Variants in POPDC1 observed in about 807,000 individuals in gnomAD.
POPDC1 encodes popeye domain-containing protein 1.
chr6:105,104,195 C>T, the POPDC1 span, among the ~76,000 whole-genome samples: 2 of 151,994 alleles, frequency 1.3e-5, no homozygotes, highest in Admixed American at 1.3e-4. Flanking sequence ...CCACCAAATT[C>T]CCATTGTTTC....
the POPDC1 span, among the ~76,000 whole-genome samples, chr6:105,122,710 A>C: frequency 7.2e-4 from 110 of 152,368 alleles, no homozygotes; most frequent in Non-Finnish European, 1.5e-3. Context: ...ACAGCAAAGA[A>C]GGAGAGAAAG....
the POPDC1 span, chr6:105,125,300 T>C: frequency 2.8e-6 from 4 of 1,414,136 alleles, no homozygotes; most frequent in South Asian, 2.5e-5. Context: ...TCTCCATTCA[T>C]TGGCAACATT....
chr6:105,134,633 T>C, the POPDC1 span, among the ~76,000 whole-genome samples: 5 of 152,156 alleles, frequency 3.3e-5, no homozygotes. Flanking sequence ...AGGTTTTAGG[T>C]AGTAGAATAA....
chr6:105,098,644 A>C, the POPDC1 span: 2 of 152,208 alleles, frequency 1.3e-5, no homozygotes, highest in Non-Finnish European at 2.9e-5. Context: ...GGGCTGCCCA[A>C]CTTAACCCCA....
At chr6:105,126,254 A>C in the POPDC1 span, among the ~76,000 whole-genome samples, 2 of 151,500 alleles carry the variant, frequency 1.3e-5, no homozygotes, top group Non-Finnish European at 2.9e-5. Flanking sequence ...AAAATAAAAA[A>C]AAGAAAGAAA....
the POPDC1 span, among the ~76,000 whole-genome samples, chr6:105,102,097 G>T: frequency 6.6e-6 from 1 of 152,138 alleles, no homozygotes; most frequent in East Asian, 1.9e-4. Flanking sequence ...GTTTCCACCT[G>T]CTCTGCCCAC....
chr6:105,126,413 C>T, the POPDC1 span, among the ~76,000 whole-genome samples: 1 of 148,688 alleles, frequency 6.7e-6, no homozygotes, highest in South Asian at 2.1e-4. Flanking sequence ...GCCTGGGCAA[C>T]AGAGTAACAC....
the POPDC1 span, among the ~76,000 whole-genome samples, chr6:105,131,198 A>G: frequency 6.6e-6 from 1 of 152,338 alleles, no homozygotes; most frequent in East Asian, 1.9e-4. Flanking sequence ...TTTTTATTTC[A>G]TAAGAATGAT....
the POPDC1 span, among the ~76,000 whole-genome samples, chr6:105,111,259 T>A: frequency 6.6e-5 from 10 of 152,182 alleles, no homozygotes; most frequent in Non-Finnish European, 1.3e-4. Flanking sequence ...AGGAAACATA[T>A]GTCTTCCTGT....
the POPDC1 span, among the ~76,000 whole-genome samples, chr6:105,111,888 A>G: frequency 6.6e-6 from 1 of 152,346 alleles, no homozygotes; most frequent in East Asian, 1.9e-4. Context: ...TATTTGTCGC[A>G]TTACTGATTG....
chr6:105,116,427 AC>A, the POPDC1 span, among the ~76,000 whole-genome samples: 1 of 151,352 alleles, frequency 6.6e-6, no homozygotes, highest in Non-Finnish European at 1.5e-5. Flanking sequence ...TCCATCCTCC[AC>A]CCCCTCTTAC....
the POPDC1 span, among the ~76,000 whole-genome samples, chr6:105,128,933 T>C: frequency 1.3e-5 from 2 of 152,172 alleles, no homozygotes; most frequent in Non-Finnish European, 1.5e-5. Flanking sequence ...CCACCAAATA[T>C]GGTGACTTCC....
At chr6:105,129,628 C>A in the POPDC1 span, 1 of 889,566 alleles carries the variant, frequency 1.1e-6, no homozygotes, top group Admixed American at 2.7e-5. Context: ...TTTGCAAGAC[C>A]CCCAGTGAAC....
chr6:105,108,153 C>T, the POPDC1 span, among the ~76,000 whole-genome samples: 11 of 152,026 alleles, frequency 7.2e-5, no homozygotes, highest in African/African-American at 2.4e-4. Context: ...TGTGAGCAGC[C>T]AAGGAGGAGC....
the POPDC1 span, among the ~76,000 whole-genome samples, chr6:105,115,409 T>A: frequency 6.6e-6 from 1 of 152,196 alleles, no homozygotes; most frequent in Admixed American, 6.5e-5. Flanking sequence ...TAAGCCACCA[T>A]GCCCAGCCAG....
chr6:105,130,663 A>G, the POPDC1 span, among the ~76,000 whole-genome samples: 1 of 152,190 alleles, frequency 6.6e-6, no homozygotes, highest in South Asian at 2.1e-4. Context: ...CAGATGGCAT[A>G]GTCTACTACA....
At chr6:105,133,393 A>G in the POPDC1 span, 1 of 1,613,750 alleles carries the variant, frequency 6.2e-7, no homozygotes, top group South Asian at 1.1e-5. Flanking sequence ...ATGAAGGTGA[A>G]GAGTAGTTGG....
the POPDC1 span, among the ~76,000 whole-genome samples, chr6:105,118,516 C>T: frequency 6.6e-6 from 1 of 152,186 alleles, no homozygotes; most frequent in African/African-American, 2.4e-5. Flanking sequence ...GCTAGATACT[C>T]TTCAAGGTAT....
the POPDC1 span, among the ~76,000 whole-genome samples, chr6:105,107,769 C>T: frequency 1.3e-5 from 2 of 151,996 alleles, no homozygotes; most frequent in South Asian, 2.1e-4. Context: ...TTAGATTGTA[C>T]AATTTTTGAA....
Sources: allele counts gnomAD v4.1 joint callset (sites outside exome capture counted in the v4.1 genomes callset), GRCh38; gene constraint gnomAD v4.1.1; transcripts MANE v1.5; gene names NCBI Gene and HGNC (gene_info 2026-07-23, HGNC 2026-07-21).